The following ACTL8 variants were observed in gnomAD, a reference collection of about 807,000 sequenced individuals.
ACTL8 encodes actin like 8.
A neutral mutation model predicts 9.3 loss-of-function variants in ACTL8; 3 were observed. The ratio of observed to expected loss-of-function variants is 0.32; its 90% CI spans 0.15 to 0.83. The LOEUF (loss-of-function observed/expected upper bound fraction) is 0.83. Ranked by LOEUF, ACTL8 falls within the 40% of genes least tolerant of loss-of-function variation. The pLI is 0.57. For synonymous variants in ACTL8, 224 were observed against 205.9 expected (o/e 1.09, Z -0.75); for missense variants, 381 against 492.2 (o/e 0.77, Z 2.14).
At chr1:17,766,675 C>T (rs550123796) in intron 1 of ACTL8, among the ~76,000 whole-genome samples, 3 of 152,234 alleles carry the variant, frequency 2.0e-5, no homozygotes, top group African/African-American at 7.2e-5. Flanking sequence ...GAAACTGATG[C>T]CCAGAGAGGG....
intron 1 of ACTL8, among the ~76,000 whole-genome samples, chr1:17,804,330 G>A (rs188798991): frequency 2.8e-4 from 43 of 152,334 alleles, no homozygotes; most frequent in African/African-American, 9.6e-4. Flanking sequence ...GAAGCCCTTA[G>A]TTAGTGTCTC....
chr1:17,796,861 A>G (rs2066281125), intron 1 of ACTL8, among the ~76,000 whole-genome samples: 1 of 152,182 alleles, frequency 6.6e-6, no homozygotes, highest in Non-Finnish European at 1.5e-5. Context: ...CTAAGCTGGG[A>G]ATTTCTAGAA....
At chr1:17,821,568 T>G (rs1414898263) in intron 1 of ACTL8, among the ~76,000 whole-genome samples, 1 of 152,148 alleles carries the variant, frequency 6.6e-6, no homozygotes, top group Non-Finnish European at 1.5e-5. Context: ...CAAATGACAC[T>G]TTTTTTGTGT....
intron 1 of ACTL8, among the ~76,000 whole-genome samples, chr1:17,819,127 T>C (rs1317611605): frequency 1.3e-5 from 2 of 152,186 alleles, no homozygotes; most frequent in Admixed American, 1.3e-4. Context: ...ACCCTTGCCA[T>C]GCGCACCTTG....
At position 17,804,123 on chromosome 1, in the gene ACTL8, C is replaced by T. The variant is rs1425159757; in HGVS notation, c.-24-18862C>T. Among the ~76,000 whole-genome samples, 3 of 152,194 alleles carry T rather than the reference C, an allele frequency of 2.0e-5. No individual in the cohort carries two copies. The East Asian group carries it at 5.8e-4, about 29-fold the overall frequency. The stretch of plus-strand genomic sequence containing the variant: ...TCAGGAGCAGTTTGATCCAGAAGTT[C>T]ACAGTGATGTGCCCTGGCCATATTT... On this transcript the variant is annotated intron_variant, in intron 1 of 2. Transcript: ENST00000375406.
intron 1 of ACTL8, among the ~76,000 whole-genome samples, chr1:17,808,742 A>C (rs1480163404): frequency 1.3e-5 from 2 of 152,210 alleles, no homozygotes; most frequent in Non-Finnish European, 2.9e-5. Context: ...TGGTGTTAGA[A>C]GCTTTATGGG....
intron 1 of ACTL8, among the ~76,000 whole-genome samples, chr1:17,814,133 C>CAT (rs1413041931): frequency 1.3e-5 from 2 of 152,170 alleles, no homozygotes; most frequent in Non-Finnish European, 2.9e-5. Flanking sequence ...CCACAGATGG[C>CAT]ATATATGATG....
intron 1 of ACTL8, among the ~76,000 whole-genome samples, chr1:17,809,108 C>T (rs2066377384): frequency 6.6e-6 from 1 of 152,106 alleles, no homozygotes; most frequent in African/African-American, 2.4e-5. Flanking sequence ...TCATTCAACA[C>T]AAACTGATTT....
chr1:17,756,418 A>T (rs1170960852), intron 1 of ACTL8, among the ~76,000 whole-genome samples: 1 of 151,802 alleles, frequency 6.6e-6, no homozygotes, highest in African/African-American at 2.4e-5. Context: ...ACAGCTCTGG[A>T]TGGGGTCTGG....
At chr1:17,799,137 G>T (rs886326515) in intron 1 of ACTL8, among the ~76,000 whole-genome samples, 4 of 152,090 alleles carry the variant, frequency 2.6e-5, no homozygotes, top group Admixed American at 2.0e-4. Context: ...TTCTCTGGGG[G>T]GTGTGCCAAG....
At chr1:17,775,356 GA>G (rs1052742598) in intron 1 of ACTL8, among the ~76,000 whole-genome samples, 1 of 138,404 alleles carries the variant, frequency 7.2e-6, no homozygotes, top group African/African-American at 2.5e-5. Flanking sequence ...TCACTGCCTG[GA>G]ACTGGAGGAG....
At chr1:17,789,816 C>T (rs527458806) in intron 1 of ACTL8, among the ~76,000 whole-genome samples, 4 of 152,194 alleles carry the variant, frequency 2.6e-5, no homozygotes, top group African/African-American at 9.6e-5. Flanking sequence ...TCTGACCATA[C>T]CGTTGTTATA....
At chr1:17,771,739 T>C (rs1307114931) in intron 1 of ACTL8, among the ~76,000 whole-genome samples, 2 of 151,970 alleles carry the variant, frequency 1.3e-5, no homozygotes, top group Non-Finnish European at 2.9e-5. Flanking sequence ...TGCCTGTCAC[T>C]GGGGGTGTCA....
In ACTL8 at chr1:17,825,844, C is replaced by T. The variant is rs749496012; in HGVS notation, c.426C>T (p.Leu142=). ...QLQMSLYASG[L]LTGVVVDSGY... ...AGATGTCCCTGTATGCCTCTGGCCT[C>T]CTGACCGGAGTGGTGGTTGATTCTG... Residue 142 remains leucine (L), a synonymous_variant, in exon 3 of 3, where the codon CTC becomes CTT. Transcript: ENST00000375406. The T allele has an allele frequency of 6.2e-6, 10 of 1,614,138 alleles. No individual in the cohort carries two copies. In the Admixed American group the frequency reaches 1.2e-4, roughly 19 times the overall value.
chr1:17,804,759 G>A (rs1176067838), intron 1 of ACTL8, among the ~76,000 whole-genome samples: 2 of 151,966 alleles, frequency 1.3e-5, no homozygotes, highest in African/African-American at 2.4e-5. Context: ...TGGGATATAG[G>A]CACACACCAC....
In ACTL8 at chr1:17,767,310, GCTGGAGACAGAGC is replaced by G. The variant is rs1196268507; in HGVS notation, c.-25+11808_-25+11820del. Among the ~76,000 whole-genome samples the G allele has an allele frequency of 2.6e-5, 4 of 152,134 alleles. No individual in the cohort carries two copies. Among genetic ancestry groups the G allele is most frequent in the Admixed American group, 1.3e-4 (2 of 15,282 alleles). ...TCGGATGATAGGATCCGACTTCGCTGCTGGAGACAGAGCCGGGGGATGAGGCGGAGGCAGGGGG... is the reference window on the plus strand; with the variant it reads ...TCGGATGATAGGATCCGACTTCGCTGCGGGGGATGAGGCGGAGGCAGGGGG... On this transcript the variant is annotated intron_variant, in intron 1 of 2. Transcript: ENST00000375406. The surrounding 1 kb of genome is among the most constrained non-coding windows in gnomAD (Gnocchi z 4.7).
At position 17,800,858 on chromosome 1, in the gene ACTL8, G is replaced by A. The variant is rs149071529; in HGVS notation, c.-24-22127G>A. Among the ~76,000 whole-genome samples, 522 of 152,066 alleles carry A rather than the reference G, an allele frequency of 3.4e-3. 11 individuals carry two copies. The East Asian group carries it at 0.062, about 18-fold the overall frequency. ...TCCACCCACCTCAGCCTCCCAAAGC[G>A]CTGGGATTACAGGCATGAGCCACTG... On this transcript the variant is annotated intron_variant, in intron 1 of 2. Coordinates refer to ENST00000375406, the MANE Select transcript of ACTL8 (RefSeq NM_030812.3).
At chr1:17,800,621 C>A (rs1473694533) in intron 1 of ACTL8, among the ~76,000 whole-genome samples, 2 of 108,550 alleles carry the variant, frequency 1.8e-5, no homozygotes, top group Non-Finnish European at 1.7e-5. Context: ...GAGACAGAGT[C>A]TCGCACTATT....
At chr1:17,797,356 C>T (rs545504456) in intron 1 of ACTL8, among the ~76,000 whole-genome samples, 1 of 152,258 alleles carries the variant, frequency 6.6e-6, no homozygotes, top group Non-Finnish European at 1.5e-5. Flanking sequence ...CCTATGAGAC[C>T]ACGTATGCTT....
Sources: allele counts gnomAD v4.1 joint callset (sites outside exome capture counted in the v4.1 genomes callset), GRCh38; gene constraint gnomAD v4.1.1; non-coding constraint Gnocchi (gnomAD v3.1); transcripts MANE v1.5; gene names NCBI Gene and HGNC (gene_info 2026-07-23, HGNC 2026-07-21).